The following MAF variants were observed in gnomAD, a reference collection of about 807,000 sequenced individuals.
The protein encoded by MAF is MAF bZIP transcription factor.
A neutral mutation model predicts 22.0 loss-of-function variants in MAF; 10 were observed. The observed-to-expected ratio is 0.45, with a 90% CI of 0.28 to 0.77. MAF has a LOEUF of 0.77. Among genes scored for constraint, MAF ranks in the 30% least tolerant of loss-of-function variants. The pLI is 0.12. For synonymous variants in MAF, 337 were observed against 255.8 expected (o/e 1.32, Z -3.03); for missense variants, 544 against 548.4 (o/e 0.99, Z 0.08).
chr16:79,221,538 T>A, the MAF span, among the ~76,000 whole-genome samples: 13 of 152,332 alleles, frequency 8.5e-5, no homozygotes, highest in African/African-American at 2.9e-4. Context: ...AAAACCACTG[T>A]TTAAAGTATT....
chr16:79,406,564 A>AT, the MAF span, among the ~76,000 whole-genome samples: 5 of 152,230 alleles, frequency 3.3e-5, no homozygotes, highest in African/African-American at 1.2e-4. Context: ...AAAGCCACAG[A>AT]TCCCAAACAT....
chr16:79,551,867 C>G, the MAF span, among the ~76,000 whole-genome samples: 2 of 152,082 alleles, frequency 1.3e-5, no homozygotes, highest in East Asian at 3.9e-4. Context: ...AGCCTGAAAA[C>G]AGAAATATCT....
the MAF span, among the ~76,000 whole-genome samples, chr16:79,293,851 G>C: frequency 2.6e-5 from 4 of 151,886 alleles, no homozygotes; most frequent in Middle Eastern, 3.2e-3. Flanking sequence ...GAGAGAGAGA[G>C]AGAGAGAGAG....
chr16:79,332,734 G>A, the MAF span, among the ~76,000 whole-genome samples: 1 of 152,248 alleles, frequency 6.6e-6, no homozygotes, highest in Non-Finnish European at 1.5e-5. Context: ...TGATGGAGGA[G>A]TAAACTGAGG....
At chr16:79,240,146 G>A in the MAF span, among the ~76,000 whole-genome samples, 1 of 151,826 alleles carries the variant, frequency 6.6e-6, no homozygotes, top group Non-Finnish European at 1.5e-5. Flanking sequence ...ATGGCGGGGG[G>A]TGTAAGTGGA....
the MAF span, among the ~76,000 whole-genome samples, chr16:79,391,226 T>C: frequency 6.6e-6 from 1 of 152,178 alleles, no homozygotes; most frequent in Non-Finnish European, 1.5e-5. Context: ...GGTTCCCTCA[T>C]CTATACAATG....
At chr16:79,322,268 A>AT in the MAF span, among the ~76,000 whole-genome samples, 4 of 152,270 alleles carry the variant, frequency 2.6e-5, no homozygotes, top group East Asian at 7.8e-4. Flanking sequence ...ATTTGCTTTT[A>AT]TGGCTAAAGG....
chr16:79,419,952 G>C, the MAF span, among the ~76,000 whole-genome samples: 2 of 151,658 alleles, frequency 1.3e-5, no homozygotes, highest in African/African-American at 4.8e-5. Context: ...TCCATGGAGA[G>C]TCCTGGAGTA....
At chr16:79,240,149 TA>T in the MAF span, among the ~76,000 whole-genome samples, 1 of 151,572 alleles carries the variant, frequency 6.6e-6, no homozygotes, top group East Asian at 1.9e-4. Context: ...GCGGGGGGTG[TA>T]AGTGGAGAAA....
chr16:79,471,858 T>C, the MAF span, among the ~76,000 whole-genome samples: 1 of 152,180 alleles, frequency 6.6e-6, no homozygotes, highest in African/African-American at 2.4e-5. Flanking sequence ...CAATAACAAT[T>C]ATTGTTAGAA....
At chr16:79,503,277 C>T in the MAF span, among the ~76,000 whole-genome samples, 4 of 152,236 alleles carry the variant, frequency 2.6e-5, no homozygotes, top group African/African-American at 9.6e-5. Flanking sequence ...CTACACTGCT[C>T]CAGAAACGAT....
At chr16:79,288,888 C>T in the MAF span, among the ~76,000 whole-genome samples, 7 of 152,130 alleles carry the variant, frequency 4.6e-5, no homozygotes, top group African/African-American at 1.7e-4. Context: ...CACCACCATG[C>T]CCAGCTAATT....
chr16:79,351,847 C>T, the MAF span, among the ~76,000 whole-genome samples: 3 of 152,168 alleles, frequency 2.0e-5, no homozygotes, highest in Non-Finnish European at 4.4e-5. Context: ...GTGGCAGCTT[C>T]ACCATGGATG....
the MAF span, among the ~76,000 whole-genome samples, chr16:79,556,765 G>T: frequency 1.3e-5 from 2 of 152,244 alleles, no homozygotes; most frequent in South Asian, 2.1e-4. Flanking sequence ...TATGCCATGG[G>T]TAAGTTAGGT....
At chr16:79,474,657 C>CT in the MAF span, among the ~76,000 whole-genome samples, 1 of 152,072 alleles carries the variant, frequency 6.6e-6, no homozygotes, top group Admixed American at 6.5e-5. Context: ...CATTCTTTTT[C>CT]TTTTTTTGTC....
chr16:79,410,308 A>G, the MAF span, among the ~76,000 whole-genome samples: 31 of 152,306 alleles, frequency 2.0e-4, no homozygotes, highest in African/African-American at 6.3e-4. Context: ...CGAATCTTTC[A>G]TTGCTCAGCT....
the MAF span, among the ~76,000 whole-genome samples, chr16:79,253,765 G>A: frequency 7.4e-4 from 112 of 152,200 alleles, 1 homozygote; most frequent in African/African-American, 2.3e-3. Context: ...GCTCCTTCCC[G>A]TCTGCGAGGC....
intron 1 of MAF, chr16:79,597,485 A>G: frequency 9.8e-7 from 1 of 1,024,924 alleles, no homozygotes; most frequent in Non-Finnish European, 1.2e-6. Context: ...CATTCTTATT[A>G]AAAAGAAAAC....
the MAF span, among the ~76,000 whole-genome samples, chr16:79,263,772 TTG>T: frequency 1.3e-5 from 2 of 152,220 alleles, no homozygotes; most frequent in Admixed American, 1.3e-4. Context: ...AACTCCACTT[TTG>T]TGACTGGTCT....
Sources: allele counts gnomAD v4.1 joint callset (sites outside exome capture counted in the v4.1 genomes callset), GRCh38; gene constraint gnomAD v4.1.1; transcripts MANE v1.5; gene names NCBI Gene and HGNC (gene_info 2026-07-23, HGNC 2026-07-21).